Variants in INPP4B observed in about 807,000 individuals in gnomAD.
The protein encoded by INPP4B is inositol polyphosphate-4-phosphatase type II B.
Under a neutral mutation model 122.5 loss-of-function variants are expected in INPP4B, and 55 were observed. That is an observed-to-expected ratio of 0.45 (90% CI 0.36 to 0.56). The LOEUF (loss-of-function observed/expected upper bound fraction) is 0.56. Among genes scored for constraint, INPP4B ranks in the 20% least tolerant of loss-of-function variants. The probability of loss-of-function intolerance (pLI) is 0.00; values close to 1 mark genes in which losing one functional copy is unlikely to be tolerated. For synonymous variants in INPP4B, 403 were observed against 388.7 expected (o/e 1.04, Z -0.43); for missense variants, 1,000 against 1,097.7 (o/e 0.91, Z 1.26).
intron 9 of INPP4B, among the ~76,000 whole-genome samples, chr4:142,278,647 T>C (rs1486996268): frequency 6.6e-6 from 1 of 151,650 alleles, no homozygotes; most frequent in African/African-American, 2.4e-5. Flanking sequence ...AGGAAGAAAG[T>C]GGAGTTGTAC....
intron 2 of INPP4B, chr4:142,583,418 C>A (rs1284558319): frequency 6.6e-6 from 1 of 152,152 alleles, no homozygotes; most frequent in East Asian, 1.9e-4. Flanking sequence ...ACTGTTGCAG[C>A]AATTATTTTG....
intron 23 of INPP4B, among the ~76,000 whole-genome samples, chr4:142,101,524 T>A (rs1384775348): frequency 1.3e-5 from 2 of 152,152 alleles, no homozygotes; most frequent in Non-Finnish European, 2.9e-5. Context: ...CCTTTTCTAG[T>A]ACAAGGTATC....
At chr4:142,654,683 A>T (rs1000834601) in intron 2 of INPP4B, 1 of 152,206 alleles carries the variant, frequency 6.6e-6, no homozygotes, top group Admixed American at 6.5e-5. Flanking sequence ...TCTTCCATCT[A>T]ACATTACAAA....
chr4:142,596,541 G>T (rs1738736072), intron 2 of INPP4B, among the ~76,000 whole-genome samples: 1 of 152,190 alleles, frequency 6.6e-6, no homozygotes, highest in African/African-American at 2.4e-5. Context: ...TGTGAGAAAA[G>T]TGACTCACAT....
At chr4:142,397,923 A>G (rs2149082622) in intron 7 of INPP4B, among the ~76,000 whole-genome samples, 1 of 152,288 alleles carries the variant, frequency 6.6e-6, no homozygotes, top group East Asian at 1.9e-4. Flanking sequence ...GGGAAATAAA[A>G]GTGAGAGAAA....
intron 18 of INPP4B, among the ~76,000 whole-genome samples, chr4:142,140,411 T>C (rs1468432995): frequency 6.6e-6 from 1 of 152,212 alleles, no homozygotes; most frequent in Non-Finnish European, 1.5e-5. Context: ...ATAGAGCTGG[T>C]TGAACACACA....
At chr4:142,218,350 G>A (rs539899530) in intron 12 of INPP4B, among the ~76,000 whole-genome samples, 9 of 152,222 alleles carry the variant, frequency 5.9e-5, no homozygotes, top group African/African-American at 2.2e-4. Flanking sequence ...TTAGTTCTGA[G>A]GCCAACATTC....
intron 7 of INPP4B, among the ~76,000 whole-genome samples, chr4:142,316,961 T>C (rs1021601747): frequency 2.6e-5 from 4 of 152,114 alleles, no homozygotes; most frequent in African/African-American, 9.7e-5. Flanking sequence ...GGCTAGTGAG[T>C]GAGACACATG....
intron 1 of INPP4B, among the ~76,000 whole-genome samples, chr4:142,742,089 A>G (rs1482665310): frequency 6.6e-6 from 1 of 151,798 alleles, no homozygotes; most frequent in Non-Finnish European, 1.5e-5. Context: ...TAACAGATTG[A>G]CTCTTGGTGC....
rs1177486185 is a variant in INPP4B, at chr4:142,473,889, G to T, written c.-190-11163C>A. Among the ~76,000 whole-genome samples, 8 of 152,314 alleles carry T rather than the reference G, an allele frequency of 5.3e-5. No homozygotes were observed. In the South Asian group the frequency reaches 1.7e-3, roughly 32 times the overall value. On this transcript the variant is annotated intron_variant, in intron 2 of 25. Coordinates refer to ENST00000262992, the MANE Select transcript of INPP4B (RefSeq NM_001101669.3). ...TTCCTGTTATCCCGGGAAGCACCCA[G>T]ATGACAAGGCAGGTGACCCCACCCA... is the stretch of plus-strand genomic sequence containing the variant.
At chr4:142,501,387 A>G (rs1268766417) in intron 2 of INPP4B, among the ~76,000 whole-genome samples, 1 of 152,224 alleles carries the variant, frequency 6.6e-6, no homozygotes, top group African/African-American at 2.4e-5. Context: ...ATTTCTGGAA[A>G]AGACAAATGG....
intron 2 of INPP4B, among the ~76,000 whole-genome samples, chr4:142,491,584 G>T (rs958105874): frequency 6.6e-6 from 1 of 152,210 alleles, no homozygotes; most frequent in African/African-American, 2.4e-5. Flanking sequence ...TTGAACCCGG[G>T]AGGTGGAGGT....
intron 2 of INPP4B, among the ~76,000 whole-genome samples, chr4:142,692,377 A>C (rs4690722): frequency 0.85 from 128,666 of 152,162 alleles, 54,433 homozygotes; most frequent in Admixed American, 0.86. Context: ...ACAAGATTTA[A>C]AGTTACCCTA....
intron 1 of INPP4B, among the ~76,000 whole-genome samples, chr4:142,737,498 C>T (rs1767138797): frequency 6.6e-6 from 1 of 152,032 alleles, no homozygotes; most frequent in African/African-American, 2.4e-5. Context: ...AGACCTAAAA[C>T]CATAAAAACC....
intron 7 of INPP4B, among the ~76,000 whole-genome samples, chr4:142,327,034 G>A (rs1772638214): frequency 6.6e-6 from 1 of 152,060 alleles, no homozygotes; most frequent in African/African-American, 2.4e-5. Context: ...CTTCCCTAGG[G>A]CTGCTTAATT....
chr4:142,392,430 C>G (rs928615720), intron 7 of INPP4B, among the ~76,000 whole-genome samples: 1 of 152,198 alleles, frequency 6.6e-6, no homozygotes, highest in Non-Finnish European at 1.5e-5. Context: ...CAACCTTATA[C>G]ATGGATAACC....
chr4:142,521,694 T>C (rs934893455), intron 2 of INPP4B, among the ~76,000 whole-genome samples: 29 of 152,148 alleles, frequency 1.9e-4, no homozygotes, highest in Admixed American at 3.9e-4. Context: ...TCCATGATTT[T>C]ATACTTTCGA....
intron 7 of INPP4B, among the ~76,000 whole-genome samples, chr4:142,324,650 C>A (rs754337199): frequency 1.3e-5 from 2 of 152,088 alleles, no homozygotes; most frequent in Non-Finnish European, 2.9e-5. Context: ...TCTGTGAATA[C>A]CTCCAGGTGA....
intron 17 of INPP4B, among the ~76,000 whole-genome samples, chr4:142,155,239 C>A (rs1377450781): frequency 6.6e-6 from 1 of 151,958 alleles, no homozygotes; most frequent in African/African-American, 2.4e-5. Flanking sequence ...TTATTAAGAT[C>A]AGGACAATGG....
Sources: gnomAD v4.1 joint callset for allele counts (sites outside exome capture counted in the v4.1 genomes callset) on GRCh38, gnomAD v4.1.1 for gene constraint, MANE v1.5 for transcripts, NCBI Gene and HGNC (gene_info 2026-07-23, HGNC 2026-07-21) for gene names.